Variants in ITGB3BP observed in about 807,000 individuals in gnomAD.
ITGB3BP encodes the protein integrin subunit beta 3 binding protein.
In ITGB3BP, 27 loss-of-function variants were observed where a neutral mutation model predicts 29.1. The observed-to-expected ratio is 0.93, with a 90% confidence interval of 0.68 to 1.28. ITGB3BP has a LOEUF of 1.28. Ranked by LOEUF, ITGB3BP falls within the 50% of genes most tolerant of loss-of-function variation. The pLI is 0.00. For missense variants in ITGB3BP, 192 were observed against 200.2 expected, an observed-to-expected ratio of 0.96 and a Z score of 0.25; for synonymous variants, 61 against 61.4, an observed-to-expected ratio of 0.99 and a Z score of 0.03.
chr1:63,479,703 T>C (rs1328149888), intron 3 of ITGB3BP, among the ~76,000 whole-genome samples: 1 of 152,158 alleles, frequency 6.6e-6, no homozygotes, highest in Admixed American at 6.5e-5. Flanking sequence ...GGTATGTGTC[T>C]TTCTGTGCCT....
chr1:63,498,917 C>T (rs6675864), intron 2 of ITGB3BP, among the ~76,000 whole-genome samples: 1,893 of 152,048 alleles, frequency 0.012, 32 homozygotes, highest in African/African-American at 0.043. Flanking sequence ...TACTACTGGC[C>T]TTGCAGAAAT....
rs574135819 is a variant in ITGB3BP, at chr1:63,454,797, T to A, written c.333+93A>T. On this transcript the variant is annotated intron_variant, in intron 5 of 8. Coordinates refer to ENST00000271002, the MANE Select transcript of ITGB3BP (RefSeq NM_014288.5). The surrounding 1 kb of genome is among the most constrained non-coding windows in gnomAD (Gnocchi z 4.1). ...TGAAAAGTAAATTAAACATACTCTATGCAAACTCTTTCCTGGATTGGATTC... is the reference window on the plus strand; with the variant it reads ...TGAAAAGTAAATTAAACATACTCTAAGCAAACTCTTTCCTGGATTGGATTC... The A allele has an allele frequency of 1.7e-6, 1 of 577,156 alleles. No homozygotes were observed. Among genetic ancestry groups the A allele is most frequent in the African/African-American group, 1.9e-5 (1 of 53,204 alleles). 35.8% of individuals were successfully genotyped at this position (577,156 alleles called of 1,614,324 possible).
chr1:63,480,927 A>C (rs1249567616), intron 3 of ITGB3BP, among the ~76,000 whole-genome samples: 2 of 152,078 alleles, frequency 1.3e-5, no homozygotes, highest in African/African-American at 4.8e-5. Context: ...CTGAAAATGA[A>C]TGTTTTGTGG....
intron 2 of ITGB3BP, among the ~76,000 whole-genome samples, chr1:63,498,174 C>A (rs1401073819): frequency 6.6e-6 from 1 of 151,948 alleles, no homozygotes; most frequent in Non-Finnish European, 1.5e-5. Context: ...AGCAAGGAAA[C>A]AGAAAATTTG....
At chr1:63,503,828 T>C (rs948493952) in intron 2 of ITGB3BP, among the ~76,000 whole-genome samples, 14 of 152,214 alleles carry the variant, frequency 9.2e-5, no homozygotes, top group Non-Finnish European at 1.8e-4. Context: ...GTTGTAGATA[T>C]GCAGCATTAT....
At chr1:63,450,287 CA>C in intron 7 of ITGB3BP, among the ~76,000 whole-genome samples, 1 of 152,030 alleles carries the variant, frequency 6.6e-6, no homozygotes, top group South Asian at 2.1e-4. Context: ...CAATTATTCT[CA>C]AAACAGATAA....
intron 2 of ITGB3BP, among the ~76,000 whole-genome samples, chr1:63,504,428 T>C (rs888413710): frequency 5.9e-5 from 9 of 151,964 alleles, no homozygotes; most frequent in African/African-American, 2.2e-4. Context: ...CGATGGGGTT[T>C]TCTAGATATA....
intron 2 of ITGB3BP, among the ~76,000 whole-genome samples, chr1:63,505,206 T>G (rs1039469750): frequency 6.6e-6 from 1 of 152,206 alleles, no homozygotes; most frequent in Non-Finnish European, 1.5e-5. Flanking sequence ...ATTGGTCTAT[T>G]CGGAGGTTCA....
chr1:63,485,463 T>C (rs1325985412), intron 3 of ITGB3BP, among the ~76,000 whole-genome samples: 4 of 151,614 alleles, frequency 2.6e-5, no homozygotes, highest in African/African-American at 7.3e-5. Context: ...TTGTTTGTTT[T>C]TAACCTGCCC....
intron 4 of ITGB3BP, chr1:63,457,240 A>G (rs542367173): frequency 2.6e-5 from 4 of 152,016 alleles, no homozygotes; most frequent in Non-Finnish European, 4.4e-5. Context: ...TCTTTTCCAC[A>G]CTTTCTGAAT....
upstream of ITGB3BP, chr1:63,525,789 C>A: frequency 6.9e-7 from 1 of 1,440,334 alleles, no homozygotes; most frequent in Non-Finnish European, 9.3e-7. Flanking sequence ...AAATCTTTCA[C>A]CTTTTTGTTG....
chr1:63,458,964 C>T (rs1351811580), intron 4 of ITGB3BP, among the ~76,000 whole-genome samples: 1 of 152,034 alleles, frequency 6.6e-6, no homozygotes, highest in Admixed American at 6.6e-5. Context: ...ATATTGCTGA[C>T]AAAGTTAATT....
intron 8 of ITGB3BP, among the ~76,000 whole-genome samples, chr1:63,445,979 C>A (rs1423643346): frequency 6.6e-6 from 1 of 152,152 alleles, no homozygotes; most frequent in Non-Finnish European, 1.5e-5. Context: ...TCTCAGCTCA[C>A]TGCAACCTCT....
chr1:63,506,511 A>T (rs2100764591), intron 2 of ITGB3BP, among the ~76,000 whole-genome samples: 1 of 152,274 alleles, frequency 6.6e-6, no homozygotes, highest in South Asian at 2.1e-4. Context: ...TCCCTCCCAC[A>T]ACAGGTGGGA....
intron 4 of ITGB3BP, among the ~76,000 whole-genome samples, chr1:63,470,448 A>C (rs987014611): frequency 1.3e-5 from 2 of 152,256 alleles, no homozygotes; most frequent in Non-Finnish European, 2.9e-5. Flanking sequence ...CCAGAAACTA[A>C]GAATAACTAC....
chr1:63,521,667 A>C (rs745946111), intron 1 of ITGB3BP, among the ~76,000 whole-genome samples: 7 of 152,130 alleles, frequency 4.6e-5, no homozygotes, highest in African/African-American at 7.2e-5. Context: ...CACTGTCTTT[A>C]CAAAATAAAA....
chr1:63,447,571 G>C (rs2100474723), intron 7 of ITGB3BP: 1 of 494,932 alleles, frequency 2.0e-6, no homozygotes, highest in South Asian at 1.5e-5. Flanking sequence ...TTACCTAGGA[G>C]AGCTGGGGAG....
chr1:63,471,205 A>G (rs1054918804), intron 4 of ITGB3BP, among the ~76,000 whole-genome samples: 3 of 19,938 alleles, frequency 1.5e-4, no homozygotes, highest in African/African-American at 1.8e-4. Flanking sequence ...TAATTTATCC[A>G]TTTTTTCCCC....
intron 4 of ITGB3BP, among the ~76,000 whole-genome samples, chr1:63,474,458 G>A (rs1645292607): frequency 6.6e-6 from 1 of 151,518 alleles, no homozygotes; most frequent in Non-Finnish European, 1.5e-5. Context: ...TAGAAAGGCG[G>A]GAAGGGTGGG....
Sources: gnomAD v4.1 joint callset for allele counts (sites outside exome capture counted in the v4.1 genomes callset) on GRCh38, gnomAD v4.1.1 for gene constraint, Gnocchi (gnomAD v3.1) non-coding constraint, MANE v1.5 for transcripts, NCBI Gene and HGNC (gene_info 2026-07-23, HGNC 2026-07-21) for gene names.